The following ITPR1 variants were observed in gnomAD, a reference collection of about 807,000 sequenced individuals.
ITPR1 encodes inositol 1,4,5-trisphosphate receptor type 1.
In ITPR1, 96 loss-of-function variants were observed where a neutral mutation model predicts 318.4. That is an observed-to-expected ratio of 0.30 (90% confidence interval 0.26 to 0.36). ITPR1 has a LOEUF of 0.36. ITPR1 is among the 10% of genes least tolerant of loss of function. The probability of loss-of-function intolerance (pLI) is 1.00; values close to 1 mark genes in which losing one functional copy is unlikely to be tolerated. For synonymous variants in ITPR1, 1,312 were observed against 1,289.9 expected, an observed-to-expected ratio of 1.02 and a Z score of -0.37; for missense variants, 2,440 against 3,460.2, an observed-to-expected ratio of 0.71 and a Z score of 7.40.
intron 44 of ITPR1, among the ~76,000 whole-genome samples, chr3:4,742,833 C>T (rs1338727935): frequency 6.6e-6 from 1 of 152,174 alleles, no homozygotes; most frequent in Non-Finnish European, 1.5e-5. Context: ...TAAAATCCTA[C>T]TTCTGATATT....
chr3:4,841,394 G>A (rs1484520494), intron 61 of ITPR1, among the ~76,000 whole-genome samples: 1 of 152,196 alleles, frequency 6.6e-6, no homozygotes, highest in African/African-American at 2.4e-5. Context: ...AAAGGAATCA[G>A]CATGAGCAAC....
At chr3:4,593,527 G>T (rs1313060895) in intron 4 of ITPR1, among the ~76,000 whole-genome samples, 1 of 152,192 alleles carries the variant, frequency 6.6e-6, no homozygotes, top group Non-Finnish European at 1.5e-5. Flanking sequence ...ACACAAGAAA[G>T]CTGGTGACAT....
chr3:4,603,534 A>G lies in ITPR1; in HGVS notation c.164-24229A>G, dbSNP rs567147450. 3.9e-5 allele frequency among the ~76,000 whole-genome samples: 6 copies of G among 152,120 alleles called. No individual in the cohort carries two copies. The South Asian group carries it at 8.3e-4, about 21-fold the overall frequency. On this transcript the variant is annotated intron_variant, in intron 4 of 61. Coordinates refer to ENST00000649015, the MANE Select transcript of ITPR1 (RefSeq NM_001378452.1). ...AACCTCCACCTCCTGGGTTCAAGCA[A>G]TTCTCCTGCCTCAGCCTCCTGAGTA...
chr3:4,721,304 C>G (rs139354026), intron 40 of ITPR1, among the ~76,000 whole-genome samples: 2 of 151,532 alleles, frequency 1.3e-5, no homozygotes, highest in African/African-American at 4.9e-5. Flanking sequence ...TTCTGATGAG[C>G]TTGTCCTATA....
intron 4 of ITPR1, among the ~76,000 whole-genome samples, chr3:4,579,159 G>C (rs1459371839): frequency 3.9e-4 from 59 of 152,308 alleles, no homozygotes; most frequent in Admixed American, 2.0e-4. Flanking sequence ...ACATTGAGAA[G>C]ATTACTTAAC....
intron 4 of ITPR1, among the ~76,000 whole-genome samples, chr3:4,525,344 T>C (rs1339839047): frequency 3.3e-5 from 5 of 152,206 alleles, no homozygotes; most frequent in African/African-American, 4.8e-5. Flanking sequence ...ACAGTAGATA[T>C]AGAAGAGTTC....
chr3:4,538,925 C>T (rs561903700), intron 4 of ITPR1, among the ~76,000 whole-genome samples: 19 of 152,126 alleles, frequency 1.2e-4, no homozygotes, highest in South Asian at 1.0e-3. Flanking sequence ...CTAATGCATG[C>T]GGGGCTTAAT....
intron 4 of ITPR1, among the ~76,000 whole-genome samples, chr3:4,615,797 C>G (rs2092365342): frequency 6.6e-6 from 1 of 152,084 alleles, no homozygotes; most frequent in Admixed American, 6.6e-5. Flanking sequence ...GAAGTTTCTC[C>G]TCATGTTTCC....
At chr3:4,822,843 A>T (rs917491805) in intron 60 of ITPR1, among the ~76,000 whole-genome samples, 12 of 152,166 alleles carry the variant, frequency 7.9e-5, no homozygotes, top group Non-Finnish European at 1.8e-4. Context: ...GCTTTCAGAG[A>T]AATGTGACTG....
intron 58 of ITPR1, 38 bp downstream of exon 58, chr3:4,814,600 C>CGGGGG: frequency 3.9e-6 from 2 of 512,424 alleles, no homozygotes; most frequent in Non-Finnish European, 6.3e-6. Context: ...GCAAAGGGGG[C>CGGGGG]GGGTGGGGTG....
intron 61 of ITPR1, among the ~76,000 whole-genome samples, chr3:4,843,587 A>T (rs952390531): frequency 6.6e-6 from 1 of 152,242 alleles, no homozygotes; most frequent in Non-Finnish European, 1.5e-5. Context: ...ATTCTGGCGC[A>T]TGCTGAAGTT....
At chr3:4,798,103 T>C (rs983018192) in intron 53 of ITPR1, among the ~76,000 whole-genome samples, 3 of 152,228 alleles carry the variant, frequency 2.0e-5, no homozygotes, top group Admixed American at 1.3e-4. Context: ...ACTGGTCACA[T>C]TGATGATACT....
rs548430746 is a variant in ITPR1 at position 4,606,678 on chromosome 3, C to T, written c.164-21085C>T. Among the ~76,000 whole-genome samples, 132 of 152,200 alleles carry T rather than the reference C, an allele frequency of 8.7e-4. 1 individual carries two copies. The highest frequency in any genetic ancestry group is 3.0e-3 in the African/African-American group (126 of 41,560). ...CTCATGCTCAGCCTCATGCACTTTA[C>T]ATAAGATAAAGTGAACATAGAGTAG... On this transcript the variant is annotated intron_variant, in intron 4 of 61. Transcript: ENST00000649015.
chr3:4,829,782 C>G (rs1326192172), intron 60 of ITPR1, among the ~76,000 whole-genome samples: 1 of 152,162 alleles, frequency 6.6e-6, no homozygotes, highest in East Asian at 1.9e-4. Context: ...TCAAATGACA[C>G]GTATCCACCT....
At position 4,651,972 on chromosome 3, in the gene ITPR1, C is replaced by T. The variant is rs6442894; in HGVS notation, c.856-151C>T. ...CTTACTTTTCAGTTTGGATGCTACA[C>T]GTGACACTGGCAATGGGTTTGTTGA... On this transcript the variant is annotated intron_variant, in intron 10 of 61. Transcript: ENST00000649015. 0.99 allele frequency: 656,897 copies of T among 662,182 alleles called. 326,006 individuals are homozygous for T. The highest frequency in any genetic ancestry group is 1 in the East Asian group (36,056 of 36,056). 41.0% of individuals were successfully genotyped at this position (662,182 alleles called of 1,614,324 possible). A position where few individuals can be genotyped will look rare whatever the true frequency, so the allele number is the denominator to read the frequency against.
At chr3:4,805,179 G>C (rs2048480660) in intron 54 of ITPR1, among the ~76,000 whole-genome samples, 1 of 152,146 alleles carries the variant, frequency 6.6e-6, no homozygotes, top group East Asian at 1.9e-4. Context: ...CTCGCTTCAG[G>C]CACAGCTGAT....
intron 4 of ITPR1, among the ~76,000 whole-genome samples, chr3:4,525,312 T>G (rs1437469244): frequency 6.6e-6 from 1 of 152,240 alleles, no homozygotes; most frequent in Non-Finnish European, 1.5e-5. Flanking sequence ...AGTTGTTCAG[T>G]GAGTGGTTGC....
chr3:4,774,766 G>A (rs1277696427), intron 46 of ITPR1, among the ~76,000 whole-genome samples: 1 of 152,182 alleles, frequency 6.6e-6, no homozygotes, highest in Non-Finnish European at 1.5e-5. Context: ...ACATGGCACT[G>A]GGAGTAAGCC....
Position 4,658,295 on chromosome 3 carries a change from G to T in ITPR1, c.1151+17G>T. On this transcript the variant is annotated intron_variant, in intron 13 of 61. Coordinates refer to ENST00000649015, the MANE Select transcript of ITPR1 (RefSeq NM_001378452.1). ...TGTCCCAAGGTATCATTTTAAAATT[G>T]CTTTTCCCCAAAGAATCAGGCCTGG... 1 of 1,592,852 alleles carries T rather than the reference G, an allele frequency of 6.3e-7. No individual in the cohort carries two copies. Among genetic ancestry groups the T allele is most frequent in the East Asian group, 2.3e-5 (1 of 44,308 alleles).
Sources: gnomAD v4.1 joint callset for allele counts (sites outside exome capture counted in the v4.1 genomes callset) on GRCh38, gnomAD v4.1.1 for gene constraint, MANE v1.5 for transcripts, NCBI Gene and HGNC (gene_info 2026-07-23, HGNC 2026-07-21) for gene names.